Variants in CHD3 observed in about 807,000 individuals in gnomAD.
CHD3 encodes the protein chromodomain helicase DNA binding protein 3.
Under a neutral mutation model 248.9 loss-of-function variants are expected in CHD3, and 52 were observed. The ratio of observed to expected loss-of-function variants is 0.21; its 90% confidence interval spans 0.17 to 0.26. The LOEUF (loss-of-function observed/expected upper bound fraction) is 0.26. CHD3 is among the 10% of genes least tolerant of loss of function. The pLI is 1.00. For missense variants in CHD3, 1,482 were observed against 2,605.8 expected (o/e 0.57, Z 9.39); for synonymous variants, 985 against 985.2 (o/e 1.00, Z 0.00).
At chr17:7,887,462 TG>T (rs909123376), upstream of CHD3, among the ~76,000 whole-genome samples, 1 of 41,856 alleles carries the variant, frequency 2.4e-5, no homozygotes, top group African/African-American at 9.8e-5. Flanking sequence ...TGTGATTCCT[TG>T]GGGGTGGGGG....
Position 7,907,821 on chromosome 17 carries a change from G to T in CHD3, c.5027-73G>T, listed in dbSNP as rs1273013028. On this transcript the variant is annotated intron_variant, in intron 33 of 39. Coordinates refer to ENST00000330494, the MANE Select transcript of CHD3 (RefSeq NM_001005273.3). This position sits in a 1 kb window ranked among gnomAD's most constrained non-coding sequence, Gnocchi z 4.3. ...CTGTTTGAAAGGCCAGTACAGTACA[G>T]TACAGATAGTAGTCTTGGGACCTGG... is the stretch of plus-strand genomic sequence containing the variant. 3.8e-6 allele frequency: 6 copies of T among 1,562,202 alleles called. No homozygotes were observed. Among genetic ancestry groups the T allele is most frequent in the African/African-American group, 1.4e-5 (1 of 73,060 alleles).
rs139173826 is a variant in CHD3, at chr17:7,893,853, G to T, written c.842G>T (p.Arg281Leu). ...RSKSPRVPDG[R>L]KKLRGKKMAP... ...AAGAGCCCCCGAGTGCCTGATGGAC[G>T]CAAGAAGCTTCGGGGAAAGAAAATG... The change falls in exon 6 of 40, where the codon CGC becomes CTC. Residue 281 changes from arginine (R) to leucine (L), a missense_variant. Arg to Leu is a moderately radical substitution (Grantham distance 102). Coordinates refer to ENST00000330494, the MANE Select transcript of CHD3 (RefSeq NM_001005273.3). The T allele has an allele frequency of 1.2e-6, 2 of 1,613,786 alleles. No individual in the cohort carries two copies. Among genetic ancestry groups the T allele is most frequent in the Admixed American group, 1.7e-5 (1 of 59,972 alleles).
In CHD3 at chr17:7,909,527, A is replaced by G; in HGVS notation, c.5590+189A>G. 2.6e-6 allele frequency: 2 copies of G among 780,960 alleles called. No homozygotes were observed. The highest frequency in any genetic ancestry group is 3.9e-6 in the Non-Finnish European group (2 of 513,292). 48.4% of individuals were successfully genotyped at this position (780,960 alleles called of 1,614,324 possible). ...TAGCCTCTAGGACTTGTGCAAGCCA[A>G]CCCTCATCCATGTCTGATAGCATTC... is the stretch of plus-strand genomic sequence containing the variant. On this transcript the variant is annotated intron_variant, in intron 37 of 39. Coordinates refer to ENST00000330494, the MANE Select transcript of CHD3 (RefSeq NM_001005273.3). This position sits in a 1 kb window ranked among gnomAD's most constrained non-coding sequence, Gnocchi z 8.1.
At position 7,904,768 on chromosome 17, in the gene CHD3, G is replaced by C. The variant is rs549931005; in HGVS notation, c.4072+149G>C. 1.2e-6 allele frequency: 1 copy of C among 834,928 alleles called. No individual in the cohort carries two copies. Among genetic ancestry groups the C allele is most frequent in the East Asian group, 2.7e-5 (1 of 37,266 alleles). The allele number at this position is 834,928 out of a possible 1,614,324, so 51.7% of individuals were successfully genotyped here. ...GGAAAGACATAAGGTAGAGTCATTA[G>C]GAACTACCCAGAGGCCAGGTGGGTT... On this transcript the variant is annotated intron_variant, in intron 25 of 39. Transcript: ENST00000330494. This position sits in a 1 kb window ranked among gnomAD's most constrained non-coding sequence, Gnocchi z 4.4.
upstream of CHD3, chr17:7,885,216 G>T (rs1421803416): frequency 1.2e-6 from 1 of 868,328 alleles, no homozygotes; most frequent in Non-Finnish European, 1.4e-6. Context: ...GCTCGGGCCC[G>T]TGGCCCCGCG....
At position 7,900,524 on chromosome 17, in the gene CHD3, C is replaced by T. The variant is rs200571808; in HGVS notation, c.2805-34C>T. The stretch of plus-strand genomic sequence containing the variant: ...CTGAGATCAGGGGCAAGGAACTTGC[C>T]GACCTGTTAATTTTCTTCTCTTCTG... On this transcript the variant is annotated intron_variant, in intron 17 of 39. Coordinates refer to ENST00000330494, the MANE Select transcript of CHD3 (RefSeq NM_001005273.3). The surrounding 1 kb of genome is among the most constrained non-coding windows in gnomAD (Gnocchi z 6.5). 8.7e-6 allele frequency: 14 copies of T among 1,609,180 alleles called. No homozygotes were observed. The highest frequency in any genetic ancestry group is 6.7e-5 in the Admixed American group (4 of 59,814).
chr17:7,905,261 G>T lies in CHD3; in HGVS notation c.4138+96G>T, dbSNP rs745331215. On this transcript the variant is annotated intron_variant, in intron 26 of 39. Transcript: ENST00000330494. This position sits in a 1 kb window ranked among gnomAD's most constrained non-coding sequence, Gnocchi z 5.8. ...TTTTTATACAAGTAAAAAAGTCTTC[G>T]TGTGTGTGTGGAAAAACTCGATTGC... 1 of 1,149,846 alleles carries T rather than the reference G, an allele frequency of 8.7e-7. No individual in the cohort carries two copies. Among genetic ancestry groups the T allele is most frequent in the Non-Finnish European group, 1.3e-6 (1 of 766,594 alleles). The allele number at this position is 1,149,846 out of a possible 1,614,324, so 71.2% of individuals were successfully genotyped here.
chr17:7,893,615 C>T, intron 5 of CHD3, 46 bp downstream of exon 5: 1 of 1,536,566 alleles, frequency 6.5e-7, no homozygotes, highest in Non-Finnish European at 8.8e-7. Context: ...TTCCAAACTG[C>T]ATGTCTTCAC....
rs1970666716 is a variant in CHD3, at chr17:7,904,357, A to G, written c.3895-85A>G. The G allele has an allele frequency of 3.0e-6, 4 of 1,325,468 alleles. No homozygotes were observed. The East Asian group carries it at 9.3e-5, about 31-fold the overall frequency. The allele number at this position is 1,325,468 out of a possible 1,614,324, so 82.1% of individuals were successfully genotyped here. A position where few individuals can be genotyped will look rare whatever the true frequency, so the allele number is the denominator to read the frequency against. Reference sequence around the variant, plus strand: ...GGAGTGGGGAGACCGGATTGGGCTGACGCAGCAGAGTAGGGATTTCCTTGC... The same window carrying G: ...GGAGTGGGGAGACCGGATTGGGCTGGCGCAGCAGAGTAGGGATTTCCTTGC... On this transcript the variant is annotated intron_variant, in intron 24 of 39. Coordinates refer to ENST00000330494, the MANE Select transcript of CHD3 (RefSeq NM_001005273.3). The surrounding 1 kb of genome is among the most constrained non-coding windows in gnomAD (Gnocchi z 4.4).
chr17:7,892,290 G>A (rs1968983583), intron 4 of CHD3, among the ~76,000 whole-genome samples: 1 of 152,178 alleles, frequency 6.6e-6, no homozygotes, highest in African/African-American at 2.4e-5. Flanking sequence ...TCCTACGGAA[G>A]CCCATCTTCA....
At chr17:7,901,467 C>A in intron 20 of CHD3, 92 bp downstream of exon 20, 1 of 1,055,808 alleles carries the variant, frequency 9.5e-7, no homozygotes. Context: ...CCTGTGGCTG[C>A]TCTGGTGTGA....
Position 7,911,434 on chromosome 17 carries a change from T to C in CHD3, c.5882-30T>C, listed in dbSNP as rs1343156996. The C allele has an allele frequency of 1.2e-6, 2 of 1,613,984 alleles. No individual in the cohort carries two copies. The highest frequency in any genetic ancestry group is 2.2e-5 in the South Asian group (2 of 91,074). ...GTGACGTTTGAGAGTGATCTGGAGA[T>C]TGATCTTTCCTTACCCCTTTCCCAA... On this transcript the variant is annotated intron_variant, in intron 39 of 39. Coordinates refer to ENST00000330494, the MANE Select transcript of CHD3 (RefSeq NM_001005273.3). The surrounding 1 kb of genome is among the most constrained non-coding windows in gnomAD (Gnocchi z 5.4).
At position 7,909,915 on chromosome 17, in the gene CHD3, G is replaced by A. The variant is rs1971439275; in HGVS notation, c.5591-513G>A. On this transcript the variant is annotated intron_variant, in intron 37 of 39. Transcript: ENST00000330494. This position sits in a 1 kb window ranked among gnomAD's most constrained non-coding sequence, Gnocchi z 8.1. ...TGCCTGGTGTAGTCACTGACTCCTG[G>A]CCCCTTTGATCCCTGTTCTAATTCC... 2 of 203,380 alleles carry A rather than the reference G, an allele frequency of 9.8e-6. No individual in the cohort carries two copies. The highest frequency in any genetic ancestry group is 2.0e-5 in the Non-Finnish European group (2 of 99,584). The allele number at this position is 203,380 out of a possible 1,614,324, so 12.6% of individuals were successfully genotyped here. A position where few individuals can be genotyped will look rare whatever the true frequency, so the allele number is the denominator to read the frequency against.
At position 7,908,814 on chromosome 17, in the gene CHD3, G is replaced by A; in HGVS notation, c.5379G>A (p.Leu1793=). Residue 1793 remains leucine, a synonymous_variant, in exon 36 of 40, where the codon CTG becomes CTA. Coordinates refer to ENST00000330494, the MANE Select transcript of CHD3 (RefSeq NM_001005273.3). This position sits in a 1 kb window ranked among gnomAD's most constrained non-coding sequence, Gnocchi z 5.8. ...GNFLEMKNKF[L]ARRFKLLEQA... is the part of the protein sequence containing the mutation. ...TTCTGGAGATGAAAAATAAGTTCCT[G>A]GCCCGGAGGTTCAAGGTGGGAATGA... 1 of 1,614,172 alleles carries A rather than the reference G, an allele frequency of 6.2e-7. No individual in the cohort carries two copies. Among genetic ancestry groups the A allele is most frequent in the Non-Finnish European group, 8.5e-7 (1 of 1,180,018 alleles).
chr17:7,905,779 G>C lies in CHD3; in HGVS notation c.4224+73G>C, dbSNP rs1018341691. The C allele has an allele frequency of 3.1e-6, 5 of 1,613,564 alleles. No homozygotes were observed. The highest frequency in any genetic ancestry group is 4.2e-6 in the Non-Finnish European group (5 of 1,179,558). ...GCAGGAGGTTGGAAGTTGGTGCCTG[G>C]ATCACTGAAGGTAGAAAGGACAAGA... On this transcript the variant is annotated intron_variant, in intron 27 of 39. Coordinates refer to ENST00000330494, the MANE Select transcript of CHD3 (RefSeq NM_001005273.3). The surrounding 1 kb of genome is among the most constrained non-coding windows in gnomAD (Gnocchi z 5.8).
At chr17:7,891,107 T>A (rs746366053) in intron 4 of CHD3, 43 bp downstream of exon 4, 80 of 1,607,386 alleles carry the variant, frequency 5.0e-5, no homozygotes, top group Non-Finnish European at 6.5e-5. Flanking sequence ...ACACTTTTAA[T>A]TTGAGGGAGG....
At position 7,906,362 on chromosome 17, in the gene CHD3, G is replaced by A. The variant is rs1970951183; in HGVS notation, c.4359-191G>A. 1.2e-5 allele frequency: 8 copies of A among 686,754 alleles called. No individual in the cohort carries two copies. The highest frequency in any genetic ancestry group is 2.6e-6 in the Non-Finnish European group (1 of 390,664). The allele number at this position is 686,754 out of a possible 1,614,324, so 42.5% of individuals were successfully genotyped here. ...ACCAAGGCCAAAGGGAAAGACCCAG[G>A]GGTGGGGCGCAGGGGGACAGTTAGG... On this transcript the variant is annotated intron_variant, in intron 28 of 39. Coordinates refer to ENST00000330494, the MANE Select transcript of CHD3 (RefSeq NM_001005273.3). The surrounding 1 kb of genome is among the most constrained non-coding windows in gnomAD (Gnocchi z 5.0).
Position 7,904,788 on chromosome 17 carries a change from T to C in CHD3, c.4072+169T>C, listed in dbSNP as rs532271631. Among the ~76,000 whole-genome samples the C allele has an allele frequency of 5.0e-4, 76 of 152,056 alleles. No individual in the cohort carries two copies. The highest frequency in any genetic ancestry group is 1.7e-3 in the African/African-American group (71 of 41,466). On this transcript the variant is annotated intron_variant, in intron 25 of 39. Coordinates refer to ENST00000330494, the MANE Select transcript of CHD3 (RefSeq NM_001005273.3). This position sits in a 1 kb window ranked among gnomAD's most constrained non-coding sequence, Gnocchi z 4.4. ...CATTAGGAACTACCCAGAGGCCAGG[T>C]GGGTTTGCAGGAGATTTAAACTCTT...
In CHD3 at chr17:7,900,283, C is replaced by A. The variant is rs1970158891; in HGVS notation, c.2683-7C>A. ...ATTTTCCTGCCTTGCCTTGCCCCAT[C>A]TTTTAGTTTTTCAGGGTTCTCAATG... is the stretch of plus-strand genomic sequence containing the variant. On this transcript the variant is annotated splice_polypyrimidine_tract_variant and splice_region_variant and intron_variant, in intron 16 of 39. Coordinates refer to ENST00000330494, the MANE Select transcript of CHD3 (RefSeq NM_001005273.3). This position sits in a 1 kb window ranked among gnomAD's most constrained non-coding sequence, Gnocchi z 6.5. 2.5e-6 allele frequency: 4 copies of A among 1,614,056 alleles called. No homozygotes were observed. The Middle Eastern group carries it at 5.0e-4, about 200-fold the overall frequency.
Sources: gnomAD v4.1 joint callset for allele counts (sites outside exome capture counted in the v4.1 genomes callset) on GRCh38, gnomAD v4.1.1 for gene constraint, Gnocchi (gnomAD v3.1) non-coding constraint, MANE v1.5 for transcripts, NCBI Gene and HGNC (gene_info 2026-07-23, HGNC 2026-07-21) for gene names.